The following POU2AF2 variants were observed in gnomAD, a reference collection of about 807,000 sequenced individuals.
POU2AF2 encodes POU domain class 2-associating factor 2.
At chr11:111,282,387 C>A in the POU2AF2 span, among the ~76,000 whole-genome samples, 3 of 152,164 alleles carry the variant, frequency 2.0e-5, no homozygotes, top group African/African-American at 7.2e-5. Flanking sequence ...ATAATGAAAA[C>A]CCTAACTTCA....
At chr11:111,283,242 G>T in the POU2AF2 span, among the ~76,000 whole-genome samples, 2 of 151,820 alleles carry the variant, frequency 1.3e-5, no homozygotes, top group Non-Finnish European at 2.9e-5. Flanking sequence ...GTAGAGATGG[G>T]TTTTCACCAT....
At chr11:111,261,750 C>T in the POU2AF2 span, among the ~76,000 whole-genome samples, 1 of 152,136 alleles carries the variant, frequency 6.6e-6, no homozygotes, top group Non-Finnish European at 1.5e-5. Flanking sequence ...TTGCTCGGCT[C>T]ATTCATCAAA....
chr11:111,261,576 A>G, the POU2AF2 span, among the ~76,000 whole-genome samples: 1 of 151,926 alleles, frequency 6.6e-6, no homozygotes, highest in Non-Finnish European at 1.5e-5. Context: ...TGAGGGGGGA[A>G]AAATGTAAAA....
At chr11:111,286,329 C>T in the POU2AF2 span, 2 of 316,140 alleles carry the variant, frequency 6.3e-6, no homozygotes, top group Non-Finnish European at 5.7e-6. Context: ...CGTTCTGAAT[C>T]TTCTGTTATC....
the POU2AF2 span, among the ~76,000 whole-genome samples, chr11:111,276,465 T>A: frequency 5.0e-3 from 401 of 79,678 alleles, 8 homozygotes; most frequent in South Asian, 0.035. Context: ...TATATATATA[T>A]ATATATATAT....
At chr11:111,276,453 A>AAAAAAAAAAAAAAAAT in the POU2AF2 span, among the ~76,000 whole-genome samples, 45 of 37,630 alleles carry the variant, frequency 1.2e-3, no homozygotes, top group African/African-American at 4.1e-3. Context: ...AAAAAAAAAA[A>AAAAAAAAAAAAAAAAT]ATATATATAT....
chr11:111,264,514 A>G, the POU2AF2 span, among the ~76,000 whole-genome samples: 3 of 55,326 alleles, frequency 5.4e-5, no homozygotes, highest in Admixed American at 2.8e-4. Context: ...GAAAGAAAGA[A>G]AGAAAGAAAG....
the POU2AF2 span, among the ~76,000 whole-genome samples, chr11:111,276,453 A>AATATAT: frequency 8.9e-3 from 331 of 37,314 alleles, 1 homozygote; most frequent in East Asian, 0.014. Context: ...AAAAAAAAAA[A>AATATAT]ATATATATAT....
the POU2AF2 span, among the ~76,000 whole-genome samples, chr11:111,270,361 C>T: frequency 6.6e-6 from 1 of 152,200 alleles, no homozygotes; most frequent in African/African-American, 2.4e-5. Context: ...TACCCCTACA[C>T]ATTTGAAAGC....
chr11:111,286,072 T>C, the POU2AF2 span: 1 of 1,599,124 alleles, frequency 6.3e-7, no homozygotes, highest in Non-Finnish European at 8.5e-7. Flanking sequence ...GCCAAATGAC[T>C]TCTGGGTTTT....
At chr11:111,248,535 T>G in the POU2AF2 span, among the ~76,000 whole-genome samples, 1 of 152,224 alleles carries the variant, frequency 6.6e-6, no homozygotes, top group South Asian at 2.1e-4. Context: ...TACATTCTAG[T>G]GTCAAGAGGG....
At chr11:111,249,119 G>A in the POU2AF2 span, among the ~76,000 whole-genome samples, 18 of 152,112 alleles carry the variant, frequency 1.2e-4, no homozygotes, top group African/African-American at 4.3e-4. Context: ...CTTTCTTTCC[G>A]GAAGCACACG....
At chr11:111,254,494 T>C in the POU2AF2 span, among the ~76,000 whole-genome samples, 4 of 152,202 alleles carry the variant, frequency 2.6e-5, no homozygotes, top group African/African-American at 9.7e-5. Flanking sequence ...TATTTTTGCC[T>C]TCTAATCCTC....
the POU2AF2 span, among the ~76,000 whole-genome samples, chr11:111,267,555 G>C: frequency 6.6e-6 from 1 of 152,194 alleles, no homozygotes; most frequent in African/African-American, 2.4e-5. Flanking sequence ...TGAGAGGCTG[G>C]CATCCATGGC....
the POU2AF2 span, among the ~76,000 whole-genome samples, chr11:111,269,571 T>C: frequency 2.4e-4 from 37 of 152,202 alleles, no homozygotes; most frequent in Admixed American, 1.2e-3. Context: ...AATTCTTTCA[T>C]GCAGCTTGCA....
the POU2AF2 span, among the ~76,000 whole-genome samples, chr11:111,252,302 C>T: frequency 8.5e-5 from 13 of 152,242 alleles, no homozygotes; most frequent in Non-Finnish European, 1.3e-4. Context: ...GGTTCTCCAA[C>T]GTCAGAGAGC....
chr11:111,284,249 C>T, the POU2AF2 span: 17 of 1,614,126 alleles, frequency 1.1e-5, no homozygotes, highest in East Asian at 1.1e-4. Context: ...GCCCTACTTC[C>T]CCCAGGAGCC....
the POU2AF2 span, among the ~76,000 whole-genome samples, chr11:111,251,345 T>A: frequency 2.0e-5 from 3 of 152,166 alleles, no homozygotes; most frequent in African/African-American, 7.2e-5. Flanking sequence ...TGCCATCAAC[T>A]GAGATAGGAA....
At chr11:111,253,374 A>G in the POU2AF2 span, among the ~76,000 whole-genome samples, 3 of 152,066 alleles carry the variant, frequency 2.0e-5, no homozygotes, top group Admixed American at 6.5e-5. Context: ...TTTATCTTTC[A>G]ATCACTCCCC....
Sources: allele counts gnomAD v4.1 joint callset (sites outside exome capture counted in the v4.1 genomes callset), GRCh38; gene constraint gnomAD v4.1.1; transcripts MANE v1.5; gene names NCBI Gene and HGNC (gene_info 2026-07-23, HGNC 2026-07-21).